RAMP3: variants seen among roughly 807,000 people sequenced by gnomAD.
RAMP3 encodes the protein receptor activity modifying protein 3, also known as receptor activity-modifying protein 3.
A neutral mutation model predicts 13.5 loss-of-function variants in RAMP3; 14 were observed. The ratio of observed to expected loss-of-function variants is 1.04; its 90% CI spans 0.69 to 1.63. The LOEUF is 1.63. Ranked by LOEUF, RAMP3 falls within the 40% of genes most tolerant of loss-of-function variation. The pLI is 0.00. For missense variants in RAMP3, 200 were observed against 204.8 expected (o/e 0.98, Z 0.14); for synonymous variants, 106 against 88.3 (o/e 1.20, Z -1.12).
chr7:45,160,259 A>G (rs3779393), intron 1 of RAMP3, among the ~76,000 whole-genome samples: 45,603 of 144,248 alleles, frequency 0.32, 8,958 homozygotes, highest in African/African-American at 0.56. Flanking sequence ...TTGAACCTGG[A>G]AGGCGGAGAT....
At chr7:45,163,451 T>C in intron 1 of RAMP3, 1 of 985,426 alleles carries the variant, frequency 1.0e-6, no homozygotes, top group Non-Finnish European at 1.2e-6. Flanking sequence ...TGGGAGCTGC[T>C]GGTGTCCAGG....
intron 2 of RAMP3, among the ~76,000 whole-genome samples, chr7:45,179,246 C>A (rs1786256043): frequency 6.6e-6 from 1 of 152,078 alleles, no homozygotes; most frequent in African/African-American, 2.4e-5. Context: ...GGAGTGAGAC[C>A]AGCCAAGAGG....
At chr7:45,182,530 C>T (rs1562572768) in intron 2 of RAMP3, among the ~76,000 whole-genome samples, 1 of 152,264 alleles carries the variant, frequency 6.6e-6, no homozygotes, top group South Asian at 2.1e-4. Flanking sequence ...TGCTGAGTGC[C>T]CTTCCCATCT....
chr7:45,183,817 T>A lies in RAMP3; in HGVS notation c.*405T>A, dbSNP rs1233572819. The A allele has an allele frequency of 4.3e-6, 2 of 463,202 alleles. No individual in the cohort carries two copies. The highest frequency in any genetic ancestry group is 3.1e-5 in the East Asian group (1 of 32,292). The allele number at this position is 463,202 out of a possible 1,614,324, so 28.7% of individuals were successfully genotyped here. A position where few individuals can be genotyped will look rare whatever the true frequency, so the allele number is the denominator to read the frequency against. The stretch of plus-strand genomic sequence containing the variant: ...CCCTGCTTGGACTAGGACTCCTTGC[T>A]TGACCCCATCTCTGGTTCCTGCCCT... On this transcript the variant is annotated 3_prime_UTR_variant, in exon 3 of 3. Coordinates refer to ENST00000242249, the MANE Select transcript of RAMP3 (RefSeq NM_005856.3).
chr7:45,175,642 C>A (rs1584074424), intron 1 of RAMP3, among the ~76,000 whole-genome samples: 2 of 152,174 alleles, frequency 1.3e-5, no homozygotes, highest in Non-Finnish European at 2.9e-5. Flanking sequence ...CTTTTGTGTT[C>A]TCCTCTGTGG....
intron 1 of RAMP3, among the ~76,000 whole-genome samples, chr7:45,175,186 A>G (rs1786155414): frequency 6.6e-6 from 1 of 152,170 alleles, no homozygotes. Context: ...GGGGTCAGGG[A>G]CATTCCAGGT....
chr7:45,163,354 A>T (rs886309127), intron 1 of RAMP3: 1 of 985,298 alleles, frequency 1.0e-6, no homozygotes, highest in Non-Finnish European at 1.2e-6. Flanking sequence ...TGAGTCTCTT[A>T]TTACTTTTTG....
At chr7:45,170,168 C>CT (rs58643428) in intron 1 of RAMP3, among the ~76,000 whole-genome samples, 109,610 of 146,536 alleles carry the variant, frequency 0.75, 41,245 homozygotes, top group Middle Eastern at 0.84. Context: ...TTTTAATGAG[C>CT]TTTGATTTTG....
At chr7:45,164,146 C>G (rs956645676) in intron 1 of RAMP3, among the ~76,000 whole-genome samples, 4 of 152,226 alleles carry the variant, frequency 2.6e-5, no homozygotes, top group African/African-American at 4.8e-5. Context: ...CCCAGCTCCA[C>G]TGTGCTCCTG....
chr7:45,172,720 T>C (rs926044268), intron 1 of RAMP3, among the ~76,000 whole-genome samples: 4 of 152,246 alleles, frequency 2.6e-5, no homozygotes, highest in African/African-American at 7.2e-5. Flanking sequence ...GATTTTTGAT[T>C]GTGAGCTGCT....
At position 45,184,004 on chromosome 7, in the gene RAMP3, C is replaced by A. The variant is rs935176792; in HGVS notation, c.*592C>A. On this transcript the variant is annotated 3_prime_UTR_variant, in exon 3 of 3. Transcript: ENST00000242249. ...GGGCTGGGGGTTCCCAGGAGCCATG[C>A]GTGGCCTGCAGAGTCCATTCCATCA... 6 of 413,754 alleles carry A rather than the reference C, an allele frequency of 1.5e-5. No homozygotes were observed. Among genetic ancestry groups the A allele is most frequent in the South Asian group, 2.1e-4 (2 of 9,564 alleles). 25.6% of individuals were successfully genotyped at this position (413,754 alleles called of 1,614,324 possible).
At chr7:45,161,553 G>C (rs964684100) in intron 1 of RAMP3, among the ~76,000 whole-genome samples, 3 of 152,076 alleles carry the variant, frequency 2.0e-5, no homozygotes, top group Admixed American at 6.5e-5. Context: ...GAAAGGGCTG[G>C]GGAGGAGAAG....
At chr7:45,158,547 G>T (rs969485416) in intron 1 of RAMP3, among the ~76,000 whole-genome samples, 1 of 152,176 alleles carries the variant, frequency 6.6e-6, no homozygotes, top group Admixed American at 6.5e-5. Context: ...CCTTGCTAAA[G>T]AAATTATCCA....
At chr7:45,159,724 C>T (rs1785828004) in intron 1 of RAMP3, among the ~76,000 whole-genome samples, 1 of 152,150 alleles carries the variant, frequency 6.6e-6, no homozygotes, top group African/African-American at 2.4e-5. Context: ...CAGTTTGATT[C>T]CATTCAGTTT....
intron 1 of RAMP3, chr7:45,163,031 A>G (rs929330): frequency 0.23 from 98,948 of 431,410 alleles, 12,738 homozygotes; most frequent in African/African-American, 0.44. Context: ...TGGCCTGCAC[A>G]TCTGAGTGGA....
intron 1 of RAMP3, among the ~76,000 whole-genome samples, chr7:45,165,967 G>A (rs1221158531): frequency 1.3e-5 from 2 of 152,180 alleles, no homozygotes; most frequent in African/African-American, 4.8e-5. Flanking sequence ...TGGCTATTAT[G>A]AATAATGCTG....
chr7:45,172,741 G>C (rs1409138836), intron 1 of RAMP3, among the ~76,000 whole-genome samples: 1 of 152,184 alleles, frequency 6.6e-6, no homozygotes, highest in Non-Finnish European at 1.5e-5. Flanking sequence ...TGTTTTCCTT[G>C]GGAAGTTAAT....
At chr7:45,181,930 C>T (rs1410893823) in intron 2 of RAMP3, among the ~76,000 whole-genome samples, 2 of 152,176 alleles carry the variant, frequency 1.3e-5, no homozygotes, top group Non-Finnish European at 2.9e-5. Context: ...GAGAGCCAGC[C>T]TTGGATCAGT....
chr7:45,157,956 C>T, intron 1 of RAMP3, 70 bp downstream of exon 1: 1 of 1,271,256 alleles, frequency 7.9e-7, no homozygotes, highest in African/African-American at 1.6e-5. Context: ...GGTGGACCCG[C>T]GCCTTCCCGC....
Sources: gnomAD v4.1 joint callset for allele counts (sites outside exome capture counted in the v4.1 genomes callset) on GRCh38, gnomAD v4.1.1 for gene constraint, MANE v1.5 for transcripts, NCBI Gene and HGNC (gene_info 2026-07-23, HGNC 2026-07-21) for gene names.